The following NEGR1 variants were observed in gnomAD, a reference collection of about 807,000 sequenced individuals.
NEGR1 encodes IgLON family member 4.
In NEGR1, 10 loss-of-function variants were observed where a neutral mutation model predicts 40.9. The observed-to-expected ratio is 0.24, with a 90% CI of 0.15 to 0.42. The LOEUF (loss-of-function observed/expected upper bound fraction) is 0.42. Ranked by LOEUF, NEGR1 falls within the 10% of genes least tolerant of loss-of-function variation. The pLI is 1.00. For synonymous variants in NEGR1, 185 were observed against 166.8 expected, an observed-to-expected ratio of 1.11 and a Z score of -0.84; for missense variants, 352 against 438.9, an observed-to-expected ratio of 0.80 and a Z score of 1.77.
chr1:71,507,136 A>C (rs533026274), intron 6 of NEGR1, among the ~76,000 whole-genome samples: 9 of 152,350 alleles, frequency 5.9e-5, no homozygotes, highest in African/African-American at 2.2e-4. Context: ...GTTCATGTAA[A>C]TGGTCATCAA....
At chr1:72,103,181 T>A (rs1649009746) in intron 1 of NEGR1, among the ~76,000 whole-genome samples, 1 of 152,116 alleles carries the variant, frequency 6.6e-6, no homozygotes, top group East Asian at 1.9e-4. Context: ...ACTCTACTGA[T>A]CATGGACATT....
At chr1:71,759,230 C>A (rs979342154) in intron 3 of NEGR1, among the ~76,000 whole-genome samples, 2 of 149,380 alleles carry the variant, frequency 1.3e-5, no homozygotes, top group Non-Finnish European at 3.0e-5. Context: ...CCCACCTCAG[C>A]ATGAATTAGC....
intron 4 of NEGR1, among the ~76,000 whole-genome samples, chr1:71,626,668 T>A (rs1418487422): frequency 6.6e-6 from 1 of 152,054 alleles, no homozygotes; most frequent in Non-Finnish European, 1.5e-5. Context: ...AAAGAACTTC[T>A]GCACTGCAAA....
At chr1:71,612,277 T>A (rs942236611) in intron 4 of NEGR1, among the ~76,000 whole-genome samples, 1 of 152,228 alleles carries the variant, frequency 6.6e-6, no homozygotes, top group Non-Finnish European at 1.5e-5. Context: ...ACTGTATTTA[T>A]GGGTATGCCA....
intron 2 of NEGR1, among the ~76,000 whole-genome samples, chr1:71,918,729 C>A (rs974551655): frequency 6.6e-6 from 1 of 151,352 alleles, no homozygotes; most frequent in Non-Finnish European, 1.5e-5. Context: ...AATGAGTTTT[C>A]TTCTTTGTGT....
intron 2 of NEGR1, among the ~76,000 whole-genome samples, chr1:71,911,777 G>A (rs559521888): frequency 2.0e-5 from 3 of 152,278 alleles, no homozygotes; most frequent in South Asian, 2.1e-4. Context: ...ATAGAAGATC[G>A]ACTGAACAGT....
chr1:72,211,089 T>C (rs890049958), intron 1 of NEGR1, among the ~76,000 whole-genome samples: 1 of 151,908 alleles, frequency 6.6e-6, no homozygotes, highest in Admixed American at 6.6e-5. Context: ...CACAATTTTC[T>C]GAAAAAGCTA....
At chr1:71,622,498 C>T (rs978328641) in intron 4 of NEGR1, among the ~76,000 whole-genome samples, 1 of 151,782 alleles carries the variant, frequency 6.6e-6, no homozygotes, top group Non-Finnish European at 1.5e-5. Context: ...TAGAAACGTG[C>T]AGACTCTTTA....
chr1:71,489,862 GTTCTCAA>G (rs1646914378), intron 6 of NEGR1: 1 of 151,782 alleles, frequency 6.6e-6, no homozygotes, highest in Non-Finnish European at 1.5e-5. Context: ...TTGCTACATT[GTTCTCAA>G]TTCATCACAG....
chr1:71,737,002 G>A (rs1401283841), intron 3 of NEGR1, among the ~76,000 whole-genome samples: 1 of 152,062 alleles, frequency 6.6e-6, no homozygotes, highest in South Asian at 2.1e-4. Context: ...AGTAAAGTTG[G>A]GTGCTTCCTA....
intron 1 of NEGR1, among the ~76,000 whole-genome samples, chr1:72,237,081 T>A (rs965804576): frequency 6.6e-6 from 1 of 151,980 alleles, no homozygotes; most frequent in African/African-American, 2.4e-5. Flanking sequence ...CAAGAATTTT[T>A]AAAAATATGT....
intron 1 of NEGR1, among the ~76,000 whole-genome samples, chr1:72,002,517 G>A (rs1646566825): frequency 6.6e-6 from 1 of 152,060 alleles, no homozygotes; most frequent in Admixed American, 6.6e-5. Context: ...TATAGCCTAT[G>A]TCCAGTGAAG....
intron 1 of NEGR1, among the ~76,000 whole-genome samples, chr1:72,254,934 C>T (rs1317218147): frequency 1.3e-5 from 2 of 152,042 alleles, no homozygotes; most frequent in Non-Finnish European, 2.9e-5. Context: ...AATATTTACA[C>T]ACCCAGCTCA....
intron 2 of NEGR1, among the ~76,000 whole-genome samples, chr1:71,802,231 T>G (rs1657588361): frequency 6.6e-6 from 1 of 151,984 alleles, no homozygotes; most frequent in Non-Finnish European, 1.5e-5. Context: ...AAACCAGAAC[T>G]TAAAGATTTA....
chr1:71,469,590 A>G (rs1217193054), intron 6 of NEGR1, among the ~76,000 whole-genome samples: 8 of 152,070 alleles, frequency 5.3e-5, no homozygotes, highest in Non-Finnish European at 1.2e-4. Flanking sequence ...CACTTATATC[A>G]TCTCAGACCC....
intron 1 of NEGR1, among the ~76,000 whole-genome samples, chr1:72,128,758 A>G (rs994646573): frequency 6.6e-6 from 1 of 152,154 alleles, no homozygotes; most frequent in Non-Finnish European, 1.5e-5. Context: ...AACATTGCCC[A>G]AATATTTTCG....
chr1:71,855,201 GCAGT>G (rs1234543601), intron 2 of NEGR1, among the ~76,000 whole-genome samples: 7 of 152,048 alleles, frequency 4.6e-5, no homozygotes. Context: ...TTCCCCATAA[GCAGT>G]CTGTCAGGTC....
At chr1:71,600,381 T>G (rs1206279032) in intron 5 of NEGR1, among the ~76,000 whole-genome samples, 1 of 152,170 alleles carries the variant, frequency 6.6e-6, no homozygotes, top group African/African-American at 2.4e-5. Flanking sequence ...GTGTTTAGTT[T>G]AATCAGTGCT....
At chr1:71,821,036 A>G (rs528010504) in intron 2 of NEGR1, among the ~76,000 whole-genome samples, 23 of 152,132 alleles carry the variant, frequency 1.5e-4, no homozygotes, top group Admixed American at 1.4e-3. Flanking sequence ...GTATAAAGCC[A>G]TTATTCTGGA....
Sources: gnomAD v4.1 joint callset for allele counts (sites outside exome capture counted in the v4.1 genomes callset) on GRCh38, gnomAD v4.1.1 for gene constraint, MANE v1.5 for transcripts, NCBI Gene and HGNC (gene_info 2026-07-23, HGNC 2026-07-21) for gene names.